EXT2: variants seen among roughly 807,000 people sequenced by gnomAD.
EXT2 encodes exostosin glycosyltransferase 2.
In EXT2, 53 loss-of-function variants were observed where a neutral mutation model predicts 81.6. The ratio of observed to expected loss-of-function variants is 0.65; its 90% CI spans 0.52 to 0.82. EXT2 has a LOEUF of 0.82. Ranked by LOEUF, EXT2 falls within the 40% of genes least tolerant of loss-of-function variation. The pLI is 0.00. For synonymous variants in EXT2, 320 were observed against 340.0 expected (o/e 0.94, Z 0.65); for missense variants, 774 against 910.2 (o/e 0.85, Z 1.93).
chr11:44,109,407 C>A (rs1954110601), intron 3 of EXT2, 124 bp downstream of exon 3: 1 of 927,686 alleles, frequency 1.1e-6, no homozygotes. Flanking sequence ...AGAAAATTGT[C>A]ATAAGTATTT....
intron 1 of EXT2, among the ~76,000 whole-genome samples, chr11:44,104,257 G>T (rs1590543307): frequency 6.6e-6 from 1 of 151,950 alleles, no homozygotes; most frequent in South Asian, 2.1e-4. Flanking sequence ...AAAATGGAGG[G>T]TTCATTGCGT....
chr11:44,166,023 G>T (rs915888028), intron 7 of EXT2, among the ~76,000 whole-genome samples: 2 of 152,176 alleles, frequency 1.3e-5, no homozygotes, highest in Non-Finnish European at 2.9e-5. Flanking sequence ...AAGAGCAGAT[G>T]AAATAATGAA....
At chr11:44,128,415 C>T (rs1359185538) in intron 6 of EXT2, among the ~76,000 whole-genome samples, 1 of 152,204 alleles carries the variant, frequency 6.6e-6, no homozygotes, top group Non-Finnish European at 1.5e-5. Flanking sequence ...CCAATGAAAG[C>T]ATCCATTAAG....
chr11:44,122,838 T>C (rs1257724364), intron 4 of EXT2, among the ~76,000 whole-genome samples: 1 of 152,234 alleles, frequency 6.6e-6, no homozygotes, highest in African/African-American at 2.4e-5. Flanking sequence ...CATATGGCTA[T>C]TTGAGCACTG....
intron 8 of EXT2, among the ~76,000 whole-genome samples, chr11:44,185,533 A>G (rs1022503507): frequency 1.3e-5 from 2 of 151,996 alleles, no homozygotes; most frequent in African/African-American, 4.8e-5. Flanking sequence ...CCTTTTTTTC[A>G]GGAAGAAGCA....
intron 8 of EXT2, among the ~76,000 whole-genome samples, chr11:44,184,092 C>G (rs1955274367): frequency 6.6e-6 from 1 of 152,200 alleles, no homozygotes; most frequent in African/African-American, 2.4e-5. Flanking sequence ...GCTTCTTCAA[C>G]ATTAATGTCT....
intron 10 of EXT2, among the ~76,000 whole-genome samples, chr11:44,228,218 A>G (rs971077504): frequency 1.3e-5 from 2 of 152,224 alleles, no homozygotes; most frequent in Non-Finnish European, 2.9e-5. Context: ...TCAACAGTAT[A>G]GACAATTTAA....
rs1056823627 is a variant in EXT2, at chr11:44,251,076, AT to A, written c.*6796del. On this transcript the variant is annotated 3_prime_UTR_variant, in exon 14 of 14. Coordinates refer to ENST00000533608, the MANE Select transcript of EXT2 (RefSeq NM_207122.2). ...CTGTTTTCTGGATATAGTTCCAATA[AT>A]TTTTTTCCTAACAGCCTTTTTGTCA... Among the ~76,000 whole-genome samples, 4 of 151,944 alleles carry A rather than the reference AT, an allele frequency of 2.6e-5. No individual in the cohort carries two copies. The highest frequency in any genetic ancestry group is 9.7e-5 in the African/African-American group (4 of 41,344).
chr11:44,099,613 C>T (rs929687683), intron 1 of EXT2, among the ~76,000 whole-genome samples: 10 of 151,996 alleles, frequency 6.6e-5, no homozygotes, highest in Admixed American at 3.3e-4. Flanking sequence ...TGAGCCACTG[C>T]GTCTGGCTTA....
At chr11:44,124,697 A>G in intron 4 of EXT2, 92 bp from the exon 5 acceptor site, 1 of 1,023,414 alleles carries the variant, frequency 9.8e-7, no homozygotes, top group South Asian at 1.3e-5. Context: ...GTAAGGAAAC[A>G]CTTACTGTCA....
At chr11:44,149,343 CAG>C (rs1444939846) in intron 7 of EXT2, among the ~76,000 whole-genome samples, 4 of 152,148 alleles carry the variant, frequency 2.6e-5, no homozygotes, top group Non-Finnish European at 4.4e-5. Flanking sequence ...GGCAGGGTGA[CAG>C]AGCAAGACTC....
rs115190261 is a variant in EXT2, at chr11:44,179,807, G to A, written c.1305+8065G>A. Among the ~76,000 whole-genome samples, 773 of 152,160 alleles carry A rather than the reference G, an allele frequency of 5.1e-3. 7 individuals are homozygous for A. The highest frequency in any genetic ancestry group is 0.018 in the African/African-American group (728 of 41,526). On this transcript the variant is annotated intron_variant, in intron 8 of 13. Transcript: ENST00000533608. ...AATGGGTCATTACAGCTGCAGATTA[G>A]GAAACTTTACACACTGCTTCAATGA...
chr11:44,170,150 C>T lies in EXT2; in HGVS notation c.1174-1461C>T, dbSNP rs11037894. 0.019 allele frequency among the ~76,000 whole-genome samples: 2,904 copies of T among 152,074 alleles called. 231 individuals carry two copies. The East Asian group carries it at 0.28, about 14-fold the overall frequency. The stretch of plus-strand genomic sequence containing the variant: ...AATTGCAAAGTATTGAAATCACATG[C>T]GTTCTCTGACCACAGCGCAGTCAAA... On this transcript the variant is annotated intron_variant, in intron 7 of 13. Coordinates refer to ENST00000533608, the MANE Select transcript of EXT2 (RefSeq NM_207122.2).
chr11:44,104,129 A>G (rs891043541), intron 1 of EXT2, among the ~76,000 whole-genome samples: 1 of 151,872 alleles, frequency 6.6e-6, no homozygotes, highest in Non-Finnish European at 1.5e-5. Flanking sequence ...CTTAACCTCA[A>G]TTTTGTCATA....
At chr11:44,154,538 G>T (rs1210620432) in intron 7 of EXT2, among the ~76,000 whole-genome samples, 1 of 151,986 alleles carries the variant, frequency 6.6e-6, no homozygotes, top group African/African-American at 2.4e-5. Context: ...TCATTCATTT[G>T]TTGATGGACA....
Position 44,126,802 on chromosome 11 carries a change from T to G in EXT2, c.940-14T>G. On this transcript the variant is annotated splice_polypyrimidine_tract_variant and intron_variant, in intron 5 of 13. Coordinates refer to ENST00000533608, the MANE Select transcript of EXT2 (RefSeq NM_207122.2). ...AACTAGTTTGTAATCTCTTGCCTCT[T>G]TGTGTTCCTGCAGGAGGCTACTTTC... The G allele has an allele frequency of 1.2e-6, 2 of 1,614,140 alleles. No individual in the cohort carries two copies. Among genetic ancestry groups the G allele is most frequent in the Non-Finnish European group, 1.7e-6 (2 of 1,180,000 alleles).
Position 44,230,818 on chromosome 11 carries a change from T to A in EXT2, c.1663-1535T>A, listed in dbSNP as rs1955889744. On this transcript the variant is annotated intron_variant, in intron 10 of 13. Transcript: ENST00000533608. Reference sequence around the variant, plus strand: ...AAGCCCCCCAATTTGTGGTTCTTTGTTAACAGCAACCCTAGGAAACTGAAA... The same window carrying A: ...AAGCCCCCCAATTTGTGGTTCTTTGATAACAGCAACCCTAGGAAACTGAAA... Among the ~76,000 whole-genome samples, 3 of 152,312 alleles carry A rather than the reference T, an allele frequency of 2.0e-5. No individual in the cohort carries two copies. The South Asian group carries it at 6.2e-4, about 32-fold the overall frequency.
chr11:44,207,847 A>G (rs1235876504), intron 10 of EXT2, among the ~76,000 whole-genome samples: 1 of 152,184 alleles, frequency 6.6e-6, no homozygotes, highest in African/African-American at 2.4e-5. Context: ...AAGGACAAGG[A>G]AAAGGAATCC....
At chr11:44,153,847 T>C (rs1302678054) in intron 7 of EXT2, among the ~76,000 whole-genome samples, 3 of 152,136 alleles carry the variant, frequency 2.0e-5, no homozygotes, top group South Asian at 4.1e-4. Context: ...CAGCCTTGCA[T>C]ACCTGGGATA....
Sources: gnomAD v4.1 joint callset for allele counts (sites outside exome capture counted in the v4.1 genomes callset) on GRCh38, gnomAD v4.1.1 for gene constraint, MANE v1.5 for transcripts, NCBI Gene and HGNC (gene_info 2026-07-23, HGNC 2026-07-21) for gene names.